The following CDKAL1 variants were observed in gnomAD, a reference collection of about 807,000 sequenced individuals.
The protein encoded by CDKAL1 is threonylcarbamoyladenosine tRNA methylthiotransferase.
CDKAL1 carries 32 observed loss-of-function variants against 68.2 expected under a neutral mutation model. That is an observed-to-expected ratio of 0.47 (90% confidence interval 0.35 to 0.63). CDKAL1 has a LOEUF of 0.63. CDKAL1 is among the 30% of genes least tolerant of loss of function. The pLI, the probability that CDKAL1 is intolerant of heterozygous loss-of-function variation, is 0.00. For missense variants in CDKAL1, 606 were observed against 696.7 expected (o/e 0.87, Z 1.47); for synonymous variants, 234 against 244.3 (o/e 0.96, Z 0.39).
intron 11 of CDKAL1, among the ~76,000 whole-genome samples, chr6:21,007,763 T>C (rs1045878701): frequency 2.0e-5 from 3 of 152,208 alleles, no homozygotes; most frequent in African/African-American, 7.2e-5. Flanking sequence ...ATGTCTTAGA[T>C]TGTTTAATCC....
intron 13 of CDKAL1, among the ~76,000 whole-genome samples, chr6:21,182,308 T>A (rs1449293497): frequency 6.6e-6 from 1 of 152,244 alleles, no homozygotes; most frequent in Non-Finnish European, 1.5e-5. Context: ...ACAGTATAAC[T>A]GTAAGAATAT....
At chr6:21,048,238 G>A (rs1770352821) in intron 11 of CDKAL1, among the ~76,000 whole-genome samples, 1 of 152,152 alleles carries the variant, frequency 6.6e-6, no homozygotes. Context: ...GTGTAGCTGT[G>A]TTCCAATAAA....
chr6:21,103,219 G>A (rs1042126036), intron 12 of CDKAL1, among the ~76,000 whole-genome samples: 13 of 152,122 alleles, frequency 8.5e-5, no homozygotes, highest in Non-Finnish European at 1.5e-4. Context: ...AATTAAGTTC[G>A]TGGATGCTGC....
At chr6:20,732,824 T>C (rs973857055) in intron 5 of CDKAL1, among the ~76,000 whole-genome samples, 1 of 152,224 alleles carries the variant, frequency 6.6e-6, no homozygotes, top group African/African-American at 2.4e-5. Context: ...AGTTTCTTTT[T>C]CAAACTTTTT....
At chr6:21,123,037 T>A (rs1267184458) in intron 13 of CDKAL1, among the ~76,000 whole-genome samples, 8 of 152,188 alleles carry the variant, frequency 5.3e-5, no homozygotes, top group African/African-American at 1.9e-4. Flanking sequence ...TGTATAGATG[T>A]ACATGCTGTG....
intron 15 of CDKAL1, among the ~76,000 whole-genome samples, chr6:21,211,708 A>G (rs1438158410): frequency 6.6e-6 from 1 of 152,216 alleles, no homozygotes; most frequent in Non-Finnish European, 1.5e-5. Context: ...AAGAAGGAGA[A>G]GATATGGGTG....
chr6:20,654,430 G>T, intron 5 of CDKAL1, among the ~76,000 whole-genome samples: 1 of 150,952 alleles, frequency 6.6e-6, no homozygotes, highest in Non-Finnish European at 1.5e-5. Flanking sequence ...TTTCTTTTGT[G>T]GTATCTTTTG....
intron 9 of CDKAL1, among the ~76,000 whole-genome samples, chr6:20,867,410 AGT>A (rs1348265631): frequency 3.9e-5 from 6 of 152,242 alleles, no homozygotes; most frequent in African/African-American, 1.4e-4. Context: ...ACATGTAAAA[AGT>A]GTGATTCACA....
At chr6:20,647,528 C>T (rs1768532235) in intron 4 of CDKAL1, among the ~76,000 whole-genome samples, 1 of 152,130 alleles carries the variant, frequency 6.6e-6, no homozygotes, top group Non-Finnish European at 1.5e-5. Context: ...AAAATGTATT[C>T]AGTATCTCTT....
At chr6:20,736,483 T>A (rs942026841) in intron 5 of CDKAL1, among the ~76,000 whole-genome samples, 2 of 152,136 alleles carry the variant, frequency 1.3e-5, no homozygotes, top group Non-Finnish European at 2.9e-5. Flanking sequence ...TTTTTAAAAA[T>A]CTTCCGGCCG....
At chr6:20,801,183 C>CA (rs1261389720) in intron 8 of CDKAL1, among the ~76,000 whole-genome samples, 1 of 152,026 alleles carries the variant, frequency 6.6e-6, no homozygotes, top group African/African-American at 2.4e-5. Flanking sequence ...CTTGGCCTCT[C>CA]AAAGTGCTGG....
At chr6:20,734,952 C>G (rs71563973) in intron 5 of CDKAL1, among the ~76,000 whole-genome samples, 27,977 of 149,506 alleles carry the variant, frequency 0.19, 3,150 homozygotes, top group East Asian at 0.34. Context: ...TCACTGCAAC[C>G]TCCACCTCCC....
At chr6:20,892,008 T>C (rs1010146855) in intron 9 of CDKAL1, among the ~76,000 whole-genome samples, 1 of 152,218 alleles carries the variant, frequency 6.6e-6, no homozygotes, top group Admixed American at 6.5e-5. Context: ...TCTGCACTTG[T>C]GCAACTTGTT....
intron 8 of CDKAL1, among the ~76,000 whole-genome samples, chr6:20,828,074 A>G (rs960370722): frequency 1.3e-5 from 2 of 152,124 alleles, no homozygotes; most frequent in African/African-American, 2.4e-5. Flanking sequence ...CTGTTGCTCT[A>G]TTTTAGTGTG....
At chr6:20,609,279 C>CCTTCTCCTTCTCCTCCTTCTCCTT (rs1561963019) in intron 4 of CDKAL1, among the ~76,000 whole-genome samples, 1 of 146,672 alleles carries the variant, frequency 6.8e-6, no homozygotes, top group Admixed American at 6.8e-5. Flanking sequence ...TCCTTCTCCT[C>CCTTCTCCTTCTCCTCCTTCTCCTT]CTTCTCCTTC....
At chr6:20,991,706 C>CAAAA (rs35504365) in intron 10 of CDKAL1, among the ~76,000 whole-genome samples, 87 of 59,546 alleles carry the variant, frequency 1.5e-3, no homozygotes, top group Admixed American at 1.9e-3. Flanking sequence ...TATTCCCTCT[C>CAAAA]AAAAAAAAAA....
At chr6:20,801,259 A>G (rs1347800210) in intron 8 of CDKAL1, among the ~76,000 whole-genome samples, 1 of 152,042 alleles carries the variant, frequency 6.6e-6, no homozygotes, top group East Asian at 1.9e-4. Context: ...CCCTGAAGAA[A>G]TTTTCTATCC....
intron 9 of CDKAL1, among the ~76,000 whole-genome samples, chr6:20,883,490 A>T (rs1429812097): frequency 2.0e-5 from 3 of 152,188 alleles, no homozygotes; most frequent in Non-Finnish European, 4.4e-5. Context: ...ATAGCCACTC[A>T]TGGCTGTTGA....
At chr6:20,827,514 A>G (rs940860706) in intron 8 of CDKAL1, among the ~76,000 whole-genome samples, 1 of 152,196 alleles carries the variant, frequency 6.6e-6, no homozygotes, top group Non-Finnish European at 1.5e-5. Context: ...AAAAATTTCT[A>G]GTAAAGCTAG....
Sources: gnomAD v4.1 joint callset for allele counts (sites outside exome capture counted in the v4.1 genomes callset) on GRCh38, gnomAD v4.1.1 for gene constraint, MANE v1.5 for transcripts, NCBI Gene and HGNC (gene_info 2026-07-23, HGNC 2026-07-21) for gene names.